The following UBE2R2 variants were observed in gnomAD, a reference collection of about 807,000 sequenced individuals.
The protein encoded by UBE2R2 is ubiquitin-conjugating enzyme E2 R2.
In UBE2R2, 1 loss-of-function variant was observed where a neutral mutation model predicts 27.8. The observed-to-expected ratio is 0.04, with a 90% CI of 0.01 to 0.17. The LOEUF (loss-of-function observed/expected upper bound fraction) is 0.17, where lower values mean the gene tolerates loss of function less well. Among genes scored for constraint, UBE2R2 ranks in the 10% least tolerant of loss-of-function variants. The pLI, the probability that UBE2R2 is intolerant of heterozygous loss-of-function variation, is 1.00. For synonymous variants in UBE2R2, 106 were observed against 113.3 expected (o/e 0.94, Z 0.41); for missense variants, 100 against 291.0 (o/e 0.34, Z 4.78).
chr9:33,840,368 T>C (rs117275677), intron 1 of UBE2R2, among the ~76,000 whole-genome samples: 2,394 of 152,282 alleles, frequency 0.016, 28 homozygotes, highest in Non-Finnish European at 0.025. Flanking sequence ...ACATTATATT[T>C]TATTTAGTGT....
chr9:33,846,628 G>C (rs1371294776), intron 1 of UBE2R2, among the ~76,000 whole-genome samples: 1 of 152,130 alleles, frequency 6.6e-6, no homozygotes, highest in Non-Finnish European at 1.5e-5. Flanking sequence ...CTATATCACT[G>C]TAATTTTGTA....
intron 1 of UBE2R2, among the ~76,000 whole-genome samples, chr9:33,854,590 G>A (rs988892255): frequency 6.6e-6 from 1 of 151,966 alleles, no homozygotes; most frequent in Non-Finnish European, 1.5e-5. Flanking sequence ...CCAAGGTGCT[G>A]GGATTACAGG....
At chr9:33,864,955 C>T (rs1821327518) in intron 1 of UBE2R2, among the ~76,000 whole-genome samples, 4 of 151,938 alleles carry the variant, frequency 2.6e-5, no homozygotes, top group Non-Finnish European at 5.9e-5. Flanking sequence ...AACTCCTGAC[C>T]TCAGGTGATC....
chr9:33,878,938 C>G (rs764588643), intron 1 of UBE2R2, among the ~76,000 whole-genome samples: 2 of 152,126 alleles, frequency 1.3e-5, no homozygotes, highest in Non-Finnish European at 2.9e-5. Flanking sequence ...TTGCTTTTCC[C>G]TCGGTCCCAC....
chr9:33,852,786 T>A (rs1330802764), intron 1 of UBE2R2, among the ~76,000 whole-genome samples: 3 of 152,138 alleles, frequency 2.0e-5, no homozygotes, highest in African/African-American at 7.2e-5. Flanking sequence ...GGCAGGTGGA[T>A]CACTTGAGGT....
At chr9:33,858,121 C>T (rs561112758) in intron 1 of UBE2R2, among the ~76,000 whole-genome samples, 1 of 152,286 alleles carries the variant, frequency 6.6e-6, no homozygotes, top group Admixed American at 6.5e-5. Flanking sequence ...CTCACTTTCA[C>T]ATATCTCTAT....
intron 1 of UBE2R2, among the ~76,000 whole-genome samples, chr9:33,841,799 C>T (rs1415906226): frequency 2.0e-5 from 3 of 151,984 alleles, no homozygotes; most frequent in African/African-American, 4.8e-5. Context: ...ATTAATTACT[C>T]GCTTGTTTTC....
chr9:33,864,865 C>T (rs571417994), intron 1 of UBE2R2, among the ~76,000 whole-genome samples: 64 of 152,086 alleles, frequency 4.2e-4, no homozygotes, highest in African/African-American at 1.3e-3. Context: ...ACTGGGATTA[C>T]AGGCGTGTGC....
intron 1 of UBE2R2, among the ~76,000 whole-genome samples, chr9:33,834,075 C>T (rs1183989478): frequency 2.6e-5 from 4 of 152,026 alleles, no homozygotes; most frequent in Non-Finnish European, 5.9e-5. Flanking sequence ...TGAATCATGC[C>T]GTTCTCTTTT....
At chr9:33,824,916 AT>A (rs1237056223) in intron 1 of UBE2R2, among the ~76,000 whole-genome samples, 2 of 151,638 alleles carry the variant, frequency 1.3e-5, no homozygotes, top group East Asian at 1.9e-4. Flanking sequence ...CTTTTGGTAA[AT>A]TTTTTTTTAA....
intron 1 of UBE2R2, among the ~76,000 whole-genome samples, chr9:33,834,941 A>AAAAGG (rs1820584222): frequency 6.6e-6 from 1 of 151,828 alleles, no homozygotes; most frequent in Non-Finnish European, 1.5e-5. Flanking sequence ...AAAAGAAAAG[A>AAAAGG]AAAGAAAATA....
At chr9:33,904,621 T>C (rs1822313113) in intron 3 of UBE2R2, among the ~76,000 whole-genome samples, 1 of 152,188 alleles carries the variant, frequency 6.6e-6, no homozygotes, top group Admixed American at 6.5e-5. Context: ...TCAGTCTGTA[T>C]TATCAGATCT....
intron 1 of UBE2R2, among the ~76,000 whole-genome samples, chr9:33,849,503 T>C (rs765613465): frequency 6.6e-5 from 10 of 152,254 alleles, no homozygotes; most frequent in Middle Eastern, 3.4e-3. Context: ...TTAAATTCTT[T>C]GTATTCATTT....
chr9:33,825,600 A>G (rs1036129798), intron 1 of UBE2R2, among the ~76,000 whole-genome samples: 3 of 152,158 alleles, frequency 2.0e-5, no homozygotes, highest in African/African-American at 7.2e-5. Context: ...TAATGATAAA[A>G]TGTTCTGTTC....
chr9:33,879,356 C>T (rs1821681137), intron 1 of UBE2R2, among the ~76,000 whole-genome samples: 2 of 152,174 alleles, frequency 1.3e-5, no homozygotes, highest in Admixed American at 1.3e-4. Context: ...TTCTTTACTG[C>T]TATCTGTGCT....
chr9:33,895,621 C>G (rs1339770002), intron 2 of UBE2R2, among the ~76,000 whole-genome samples: 1 of 152,076 alleles, frequency 6.6e-6, no homozygotes, highest in Non-Finnish European at 1.5e-5. Flanking sequence ...TTGAATGAAC[C>G]TGTAGATCAA....
At chr9:33,841,610 A>G (rs1256620534) in intron 1 of UBE2R2, among the ~76,000 whole-genome samples, 1 of 152,096 alleles carries the variant, frequency 6.6e-6, no homozygotes, top group East Asian at 1.9e-4. Context: ...TGCTGCTGTG[A>G]GTTGTCATTG....
At chr9:33,915,950 G>A (rs1307638374) in intron 4 of UBE2R2, among the ~76,000 whole-genome samples, 1 of 152,160 alleles carries the variant, frequency 6.6e-6, no homozygotes, top group African/African-American at 2.4e-5. Context: ...GTGGGGCAGG[G>A]GAAGAGCAAC....
At chr9:33,851,995 G>C (rs921932442) in intron 1 of UBE2R2, among the ~76,000 whole-genome samples, 2 of 152,098 alleles carry the variant, frequency 1.3e-5, no homozygotes, top group Non-Finnish European at 2.9e-5. Context: ...AGACTCCACC[G>C]TAATGAGATA....
Sources: gnomAD v4.1 joint callset for allele counts (sites outside exome capture counted in the v4.1 genomes callset) on GRCh38, gnomAD v4.1.1 for gene constraint, MANE v1.5 for transcripts, NCBI Gene and HGNC (gene_info 2026-07-23, HGNC 2026-07-21) for gene names.